CUBN: variants seen among roughly 807,000 people sequenced by gnomAD.
CUBN encodes 460 kDa receptor.
A neutral mutation model predicts 405.3 loss-of-function variants in CUBN; 282 were observed. The ratio of observed to expected loss-of-function variants is 0.70; its 90% confidence interval spans 0.63 to 0.77. The LOEUF (loss-of-function observed/expected upper bound fraction) is 0.77. CUBN is among the 30% of genes least tolerant of loss of function. The pLI, the probability that CUBN is intolerant of heterozygous loss-of-function variation, is 0.00. For synonymous variants in CUBN, 1,684 were observed against 1,617.0 expected (o/e 1.04, Z -0.99); for missense variants, 4,514 against 4,475.2 (o/e 1.01, Z -0.25).
At chr10:17,053,486 A>G (rs2131829201) in intron 22 of CUBN, among the ~76,000 whole-genome samples, 1 of 152,220 alleles carries the variant, frequency 6.6e-6, no homozygotes, top group East Asian at 1.9e-4. Context: ...TTATAGAAAG[A>G]CATTTCATAA....
intron 33 of CUBN, among the ~76,000 whole-genome samples, chr10:16,951,810 A>T (rs183130980): frequency 2.8e-4 from 42 of 152,310 alleles, no homozygotes; most frequent in African/African-American, 9.9e-4. Flanking sequence ...AGGTGCGCGC[A>T]TTGCATTCTG....
rs1430721895 is a variant in CUBN, at chr10:17,102,837, G to A, written c.1530+288C>T. ...TTCGCCATATTGACCAGACTGGTCT[G>A]GAACTCCTGACCTCAGGTGATGCAC... is the stretch of plus-strand genomic sequence containing the variant. On this transcript the variant is annotated intron_variant, in intron 13 of 66. Transcript: ENST00000377833. Among the ~76,000 whole-genome samples the A allele has an allele frequency of 2.6e-5, 4 of 151,302 alleles. No individual in the cohort carries two copies. The East Asian group carries it at 7.8e-4, about 29-fold the overall frequency.
chr10:16,940,179 C>T lies in CUBN; in HGVS notation c.5401G>A (p.Gly1801Arg). 6.2e-7 allele frequency: 1 copy of T among 1,614,154 alleles called. No individual in the cohort carries two copies. Among genetic ancestry groups the T allele is most frequent in the Non-Finnish European group, 8.5e-7 (1 of 1,179,998 alleles). ...CCCACCAAGTGACCCGTGGCATTTC[C>T]TTCACGGATCTCCACAAAATCTCTG... ...CSRDFVEIRE[G>R]NATGHLVGRY... Residue 1801 changes from glycine to arginine, a missense_variant, in exon 37 of 67, where the codon GGA (glycine) becomes AGA (arginine). Physicochemically the swap from Gly to Arg is moderately radical, Grantham distance 125 (BLOSUM62 -2). This residue lies in a region of CUBN where 1,613 missense variants were observed against 1,542.8 expected (regional missense o/e 1.05). Transcript: ENST00000377833.
intron 45 of CUBN, 22 bp downstream of exon 45, chr10:16,918,598 TAA>T: frequency 6.3e-7 from 1 of 1,588,542 alleles, no homozygotes; most frequent in East Asian, 2.3e-5. Flanking sequence ...GAACCTAAAA[TAA>T]AAGTTTTAAA....
chr10:17,052,247 A>G (rs999862859), intron 22 of CUBN, among the ~76,000 whole-genome samples: 3 of 152,202 alleles, frequency 2.0e-5, no homozygotes, highest in African/African-American at 7.2e-5. Context: ...AAGCTGACAT[A>G]ATTTGTCACT....
At chr10:17,066,358 C>T (rs1835614704) in intron 21 of CUBN, among the ~76,000 whole-genome samples, 1 of 151,702 alleles carries the variant, frequency 6.6e-6, no homozygotes, top group African/African-American at 2.4e-5. Flanking sequence ...GAAGAAGTGA[C>T]AATAAAATAG....
At chr10:16,972,989 G>A (rs1278196727) in intron 31 of CUBN, among the ~76,000 whole-genome samples, 1 of 152,094 alleles carries the variant, frequency 6.6e-6, no homozygotes, top group East Asian at 1.9e-4. Flanking sequence ...ACTGCTGCCT[G>A]TTGTCACTGT....
intron 58 of CUBN, among the ~76,000 whole-genome samples, chr10:16,873,604 C>T (rs1212755970): frequency 6.6e-6 from 1 of 151,690 alleles, no homozygotes; most frequent in Non-Finnish European, 1.5e-5. Flanking sequence ...TGCCTGTAAT[C>T]CCAGCTACTC....
At chr10:16,886,767 T>C (rs757701018) in intron 56 of CUBN, among the ~76,000 whole-genome samples, 4 of 152,182 alleles carry the variant, frequency 2.6e-5, no homozygotes, top group Admixed American at 6.5e-5. Context: ...ATGGTAGTAT[T>C]TACTAAAAGC....
intron 59 of CUBN, among the ~76,000 whole-genome samples, chr10:16,867,074 C>T (rs1455173384): frequency 6.6e-6 from 1 of 152,142 alleles, no homozygotes; most frequent in Non-Finnish European, 1.5e-5. Context: ...ATCTGCAAAA[C>T]CCTACTTAGT....
chr10:16,928,097 GAGAGAGGAAA>G, intron 41 of CUBN, 50 bp downstream of exon 41: 1 of 1,565,120 alleles, frequency 6.4e-7, no homozygotes, highest in Non-Finnish European at 8.8e-7. Context: ...AAGAGAGAAA[GAGAGAGGAAA>G]AGAGAGGAGA....
intron 17 of CUBN, among the ~76,000 whole-genome samples, chr10:17,083,524 C>A (rs5006958): frequency 1.3e-5 from 1 of 78,332 alleles, no homozygotes; most frequent in East Asian, 4.5e-4. Context: ...TAAATACATA[C>A]ATACATACAT....
intron 43 of CUBN, among the ~76,000 whole-genome samples, chr10:16,922,443 C>T (rs1170841539): frequency 3.3e-5 from 5 of 152,102 alleles, no homozygotes; most frequent in Admixed American, 2.0e-4. Flanking sequence ...CAGCCTTCCC[C>T]ATCTCCAATG....
At chr10:17,118,195 T>C (rs779623586) in intron 6 of CUBN, among the ~76,000 whole-genome samples, 2 of 152,140 alleles carry the variant, frequency 1.3e-5, no homozygotes, top group Admixed American at 1.3e-4. Flanking sequence ...TGTGAGAAGA[T>C]AGAGAAAGGG....
chr10:17,033,465 C>G (rs1168656078), intron 27 of CUBN, among the ~76,000 whole-genome samples: 1 of 152,142 alleles, frequency 6.6e-6, no homozygotes, highest in African/African-American at 2.4e-5. Context: ...ATGTCCATAG[C>G]CTAAGTGTCT....
intron 60 of CUBN, among the ~76,000 whole-genome samples, chr10:16,841,910 CAAAAAAAA>C (rs11354893): frequency 3.2e-4 from 30 of 93,722 alleles, no homozygotes; most frequent in Non-Finnish European, 5.7e-4. Flanking sequence ...AAGACTGTCT[CAAAAAAAA>C]AAAAAAAAAA....
intron 27 of CUBN, among the ~76,000 whole-genome samples, chr10:17,033,247 C>T (rs1276406391): frequency 6.6e-6 from 1 of 152,182 alleles, no homozygotes; most frequent in African/African-American, 2.4e-5. Context: ...CATCTCAAGC[C>T]TCCTGGCACC....
intron 48 of CUBN, among the ~76,000 whole-genome samples, chr10:16,910,966 A>G (rs1841714407): frequency 6.6e-6 from 1 of 152,296 alleles, no homozygotes; most frequent in Admixed American, 6.5e-5. Flanking sequence ...TCACAAAGTC[A>G]GCTCTCTAGC....
intron 27 of CUBN, among the ~76,000 whole-genome samples, chr10:17,026,646 A>G (rs191177580): frequency 2.0e-5 from 3 of 152,076 alleles, no homozygotes; most frequent in African/African-American, 7.2e-5. Context: ...AAAAAAATAA[A>G]TAAATAAATA....
Sources: allele counts gnomAD v4.1 joint callset (sites outside exome capture counted in the v4.1 genomes callset), GRCh38; gene constraint gnomAD v4.1.1; regional missense constraint gnomAD v4.1.1; transcripts MANE v1.5; gene names NCBI Gene and HGNC (gene_info 2026-07-23, HGNC 2026-07-21).